Variants in DMGDH observed in about 807,000 individuals in gnomAD.
DMGDH encodes the protein dimethylglycine dehydrogenase, mitochondrial.
DMGDH carries 76 observed loss-of-function variants against 95.2 expected under a neutral mutation model. That is an observed-to-expected ratio of 0.80 (90% CI 0.66 to 0.97). The LOEUF is 0.97. DMGDH is among the 50% of genes least tolerant of loss of function. The probability of loss-of-function intolerance (pLI) is 0.00; values close to 1 mark genes in which losing one functional copy is unlikely to be tolerated. For missense variants in DMGDH, 987 were observed against 1,055.0 expected (o/e 0.94, Z 0.89); for synonymous variants, 345 against 377.6 (o/e 0.91, Z 1.00).
intron 1 of DMGDH, 114 bp from the exon 2 acceptor site, chr5:79,063,901 T>C: frequency 9.2e-7 from 1 of 1,089,700 alleles, no homozygotes; most frequent in Non-Finnish European, 1.4e-6. Flanking sequence ...CTGACTGAGA[T>C]TTGCATGATA....
At chr5:79,058,191 T>G (rs1025215289) in intron 2 of DMGDH, among the ~76,000 whole-genome samples, 1 of 152,234 alleles carries the variant, frequency 6.6e-6, no homozygotes, top group Non-Finnish European at 1.5e-5. Flanking sequence ...AAGTAAGATA[T>G]GGACTCAATT....
At chr5:79,021,829 A>G in intron 14 of DMGDH, 1 of 818,242 alleles carries the variant, frequency 1.2e-6, no homozygotes, top group Non-Finnish European at 1.7e-6. Flanking sequence ...GTGGAAAAGG[A>G]CTTTGTGGGG....
At chr5:79,027,531 C>T (rs1342479747) in intron 12 of DMGDH, among the ~76,000 whole-genome samples, 1 of 152,176 alleles carries the variant, frequency 6.6e-6, no homozygotes, top group East Asian at 1.9e-4. Context: ...GCATGCAGTA[C>T]TCCTGTGAGA....
chr5:79,016,622 A>G (rs1336266664), intron 14 of DMGDH, among the ~76,000 whole-genome samples: 1 of 152,242 alleles, frequency 6.6e-6, no homozygotes, highest in African/African-American at 2.4e-5. Context: ...TTGTTCATGA[A>G]TTGTAATACT....
chr5:79,031,936 C>A (rs16876363), intron 9 of DMGDH, among the ~76,000 whole-genome samples: 50,116 of 152,022 alleles, frequency 0.33, 9,018 homozygotes, highest in African/African-American at 0.48. Context: ...CATTCATCAA[C>A]AACGGGTTCT....
At chr5:79,046,190 C>T (rs1177590416) in intron 5 of DMGDH, among the ~76,000 whole-genome samples, 1 of 152,058 alleles carries the variant, frequency 6.6e-6, no homozygotes, top group Non-Finnish European at 1.5e-5. Flanking sequence ...GGGTTCAAGC[C>T]ATTCTCCTGT....
chr5:79,054,662 A>G (rs984769016), intron 3 of DMGDH, among the ~76,000 whole-genome samples: 1 of 152,232 alleles, frequency 6.6e-6, no homozygotes, highest in African/African-American at 2.4e-5. Flanking sequence ...AAATCACAGT[A>G]GCATGGAATG....
At position 79,032,841 on chromosome 5, in the gene DMGDH, C is replaced by G. The variant is rs1020148307; in HGVS notation, c.1364-1G>C. Reference sequence around the variant, plus strand: ...AACCGTTCTTCTTTAGGATAACCAACTGAAAAGGAAAAATTGGTACTTTAA... The same window carrying G: ...AACCGTTCTTCTTTAGGATAACCAAGTGAAAAGGAAAAATTGGTACTTTAA... On this transcript the variant is annotated splice_acceptor_variant, in intron 8 of 15. Transcript: ENST00000255189. LOFTEE classifies it high-confidence loss of function. 1 of 1,613,906 alleles carries G rather than the reference C, an allele frequency of 6.2e-7. No individual in the cohort carries two copies. Among genetic ancestry groups the G allele is most frequent in the African/African-American group, 1.3e-5 (1 of 74,876 alleles).
chr5:79,049,022 A>T (rs1292426808), intron 5 of DMGDH, among the ~76,000 whole-genome samples: 6 of 152,170 alleles, frequency 3.9e-5, no homozygotes, highest in Non-Finnish European at 8.8e-5. Context: ...CAAGGGAAAA[A>T]GGGAGGCATT....
chr5:79,029,992 G>A lies in DMGDH; in HGVS notation c.1726C>T (p.Arg576Ter), dbSNP rs780406415. Residue 576 changes from arginine to a stop codon, truncating the protein, a stop_gained, in exon 11 of 16, where the codon CGA becomes TGA. Transcript: ENST00000255189. LOFTEE classifies it high-confidence loss of function. ...GAAACAGTCAGCTCAGCATACACTC[G>A]ACCCTTGGGTGTTAACATGTGACTT... Reference protein sequence around the residue: ...NISHMLTPKGRVYAELTVSHQ... With the variant: ...NISHMLTPKG 1.1e-5 allele frequency: 17 copies of A among 1,613,794 alleles called. No homozygotes were observed. Among genetic ancestry groups the A allele is most frequent in the African/African-American group, 8.0e-5 (6 of 74,912 alleles).
At position 79,028,664 on chromosome 5, in the gene DMGDH, A is replaced by G. The variant is rs1423198476; in HGVS notation, c.1815-14T>C. On this transcript the variant is annotated splice_polypyrimidine_tract_variant and intron_variant, in intron 11 of 15. Transcript: ENST00000255189. ...TCTTCAATCCATCTGCGTTTTAGTC[A>G]TGAACATGGTGTTAAATATTGCTTG... The G allele has an allele frequency of 1.9e-6, 3 of 1,613,092 alleles. No homozygotes were observed. Among genetic ancestry groups the G allele is most frequent in the South Asian group, 1.1e-5 (1 of 91,056 alleles).
At chr5:79,015,477 C>T (rs969075104) in intron 14 of DMGDH, among the ~76,000 whole-genome samples, 6 of 152,190 alleles carry the variant, frequency 3.9e-5, no homozygotes, top group African/African-American at 1.4e-4. Context: ...AATTCCTTAG[C>T]TTGGCACATG....
intron 1 of DMGDH, among the ~76,000 whole-genome samples, chr5:79,065,751 T>C (rs1755359486): frequency 6.6e-6 from 1 of 152,196 alleles, no homozygotes; most frequent in African/African-American, 2.4e-5. Flanking sequence ...GGCAGCACAG[T>C]AGGTTTGTTT....
chr5:79,040,056 C>T (rs1298995601), intron 7 of DMGDH, among the ~76,000 whole-genome samples: 1 of 151,768 alleles, frequency 6.6e-6, no homozygotes, highest in African/African-American at 2.4e-5. Flanking sequence ...GTGATTGGTT[C>T]TAGCAAATTA....
chr5:79,053,501 T>C (rs1361369229), intron 4 of DMGDH, among the ~76,000 whole-genome samples: 1 of 152,190 alleles, frequency 6.6e-6, no homozygotes, highest in East Asian at 1.9e-4. Flanking sequence ...TACATGAAAT[T>C]ATGCATGTAA....
chr5:79,034,499 A>G (rs1185678090), intron 7 of DMGDH, among the ~76,000 whole-genome samples: 3 of 152,198 alleles, frequency 2.0e-5, no homozygotes, highest in Admixed American at 2.0e-4. Flanking sequence ...GAAGGCCTCT[A>G]CTGTGGGTTT....
At chr5:79,015,824 G>A (rs562127037) in intron 14 of DMGDH, among the ~76,000 whole-genome samples, 34 of 152,098 alleles carry the variant, frequency 2.2e-4, no homozygotes, top group Non-Finnish European at 3.8e-4. Flanking sequence ...TCCTAAAAAC[G>A]AAAGGCTGGC....
rs558140319 is a variant in DMGDH at position 79,000,405 on chromosome 5, C to T, written c.2386-2108G>A. The stretch of plus-strand genomic sequence containing the variant: ...TGCTGTGGGTGGTACTAGCTATTTT[C>T]TTATTCTCATACAAGTTGGAAAGAA... On this transcript the variant is annotated intron_variant, in intron 15 of 15. Transcript: ENST00000255189. 57 of 634,082 alleles carry T rather than the reference C, an allele frequency of 9.0e-5. 1 individual carries two copies. The highest frequency in any genetic ancestry group is 8.5e-4 in the African/African-American group (47 of 54,972). 39.3% of individuals were successfully genotyped at this position (634,082 alleles called of 1,614,324 possible).
intron 14 of DMGDH, among the ~76,000 whole-genome samples, chr5:79,017,357 A>T (rs556924538): frequency 3.3e-5 from 5 of 152,224 alleles, no homozygotes; most frequent in Non-Finnish European, 7.3e-5. Flanking sequence ...AGATTTAACC[A>T]GACATTTCAC....
Sources: gnomAD v4.1 joint callset for allele counts (sites outside exome capture counted in the v4.1 genomes callset) on GRCh38, gnomAD v4.1.1 for gene constraint, MANE v1.5 for transcripts, NCBI Gene and HGNC (gene_info 2026-07-23, HGNC 2026-07-21) for gene names.